The following MEGF9 variants were observed in gnomAD, a reference collection of about 807,000 sequenced individuals.
MEGF9 encodes multiple EGF like domains 9, also known as multiple epidermal growth factor-like domains protein 9.
Under a neutral mutation model 46.8 loss-of-function variants are expected in MEGF9, and 6 were observed. The ratio of observed to expected loss-of-function variants is 0.13; its 90% CI spans 0.07 to 0.25. The LOEUF is 0.25. MEGF9 is among the 10% of genes least tolerant of loss of function. The pLI is 1.00. For synonymous variants in MEGF9, 302 were observed against 330.7 expected, an observed-to-expected ratio of 0.91 and a Z score of 0.94; for missense variants, 683 against 792.4, an observed-to-expected ratio of 0.86 and a Z score of 1.66.
At position 120,601,733 on chromosome 9, in the gene MEGF9, A is replaced by G. The variant is rs1037120508; in HGVS notation, c.*3457T>C. ...GTTTTCAAATGTCATTTTTTTCTCTATAACTGGAGAAATTCCATTAATAAA... is the reference window on the plus strand; with the variant it reads ...GTTTTCAAATGTCATTTTTTTCTCTGTAACTGGAGAAATTCCATTAATAAA... On this transcript the variant is annotated 3_prime_UTR_variant, in exon 6 of 6. Transcript: ENST00000373930. The G allele has an allele frequency of 1.3e-5, 2 of 152,152 alleles. No homozygotes were observed. The highest frequency in any genetic ancestry group is 4.8e-5 in the African/African-American group (2 of 41,438). 9.4% of individuals were successfully genotyped at this position (152,152 alleles called of 1,614,324 possible). A position where few individuals can be genotyped will look rare whatever the true frequency, so the allele number is the denominator to read the frequency against.
intron 1 of MEGF9, among the ~76,000 whole-genome samples, chr9:120,660,299 G>A (rs2043696475): frequency 6.6e-6 from 1 of 152,020 alleles, no homozygotes; most frequent in African/African-American, 2.4e-5. Flanking sequence ...ATATATTTAT[G>A]GGGTACCTGA....
At chr9:120,677,117 G>C (rs540445857) in intron 1 of MEGF9, among the ~76,000 whole-genome samples, 6 of 8,320 alleles carry the variant, frequency 7.2e-4, no homozygotes, top group Non-Finnish European at 4.4e-3. Context: ...TTTTCTTTTC[G>C]TGTGTGTGAG....
chr9:120,667,220 G>A (rs1000235289), intron 1 of MEGF9, among the ~76,000 whole-genome samples: 2 of 152,236 alleles, frequency 1.3e-5, no homozygotes, highest in South Asian at 2.1e-4. Context: ...TAATGATTGA[G>A]GCTTTTTCAA....
At chr9:120,659,064 T>C (rs930224258) in intron 2 of MEGF9, among the ~76,000 whole-genome samples, 1 of 152,226 alleles carries the variant, frequency 6.6e-6, no homozygotes, top group African/African-American at 2.4e-5. Context: ...GCAGGTTTCA[T>C]GCCTGAAAGC....
chr9:120,629,557 G>A (rs540712727), intron 2 of MEGF9, among the ~76,000 whole-genome samples: 1 of 152,252 alleles, frequency 6.6e-6, no homozygotes, highest in South Asian at 2.1e-4. Flanking sequence ...AGACTTGCTT[G>A]AATCTGGGAG....
intron 2 of MEGF9, among the ~76,000 whole-genome samples, chr9:120,652,167 CACACACACACACACAAAA>C (rs928479726): frequency 2.4e-5 from 1 of 42,118 alleles, no homozygotes; most frequent in African/African-American, 8.0e-5. Context: ...CACACACACA[CACACACACACACACAAAA>C]AAAAAAAAAA....
In MEGF9 at chr9:120,607,866, G is replaced by C; in HGVS notation, c.1232C>G (p.Thr411Ser). The C allele has an allele frequency of 6.2e-7, 1 of 1,614,026 alleles. No individual in the cohort carries two copies. The highest frequency in any genetic ancestry group is 8.5e-7 in the Non-Finnish European group (1 of 1,179,892). Reference protein sequence around the residue: ...QCHGHVDPVKTPKICKPESGE... With the variant: ...QCHGHVDPVKSPKICKPESGE... Reference sequence around the variant, plus strand: ...ACTCTCGGGCTTACAAATCTTTGGAGTTTTAACTGGGTCCACATGGCCGTG... The same window carrying C: ...ACTCTCGGGCTTACAAATCTTTGGACTTTTAACTGGGTCCACATGGCCGTG... The change falls in exon 5 of 6, where the codon ACT becomes AGT. Residue 411 changes from threonine (T) to serine (S), a missense_variant. Coordinates refer to ENST00000373930, the MANE Select transcript of MEGF9 (RefSeq NM_001080497.3).
At chr9:120,650,462 T>C (rs1587984167) in intron 2 of MEGF9, among the ~76,000 whole-genome samples, 2 of 152,174 alleles carry the variant, frequency 1.3e-5, no homozygotes, top group East Asian at 1.9e-4. Flanking sequence ...ATTAAACAGG[T>C]TGGAACACCA....
intron 2 of MEGF9, among the ~76,000 whole-genome samples, chr9:120,656,081 C>G (rs1341840273): frequency 6.6e-6 from 1 of 152,170 alleles, no homozygotes; most frequent in Non-Finnish European, 1.5e-5. Context: ...CTAGGAAAAA[C>G]ACGAACTGTG....
In MEGF9 at chr9:120,671,300, T is replaced by A. The variant is rs550086568; in HGVS notation, c.602-11725A>T. ...GTCTCAGCTACTCCAGTCATCCCCA[T>A]CAAGGCCCCAAACATATGGGTGAGG... On this transcript the variant is annotated intron_variant, in intron 1 of 5. Transcript: ENST00000373930. Among the ~76,000 whole-genome samples the A allele has an allele frequency of 4.6e-5, 7 of 152,242 alleles. No homozygotes were observed. In the South Asian group the frequency reaches 1.5e-3, roughly 32 times the overall value.
chr9:120,622,466 A>G, intron 3 of MEGF9, 150 bp downstream of exon 3: 4 of 279,466 alleles, frequency 1.4e-5, no homozygotes, highest in Non-Finnish European at 1.8e-5. Flanking sequence ...TTGTTGTAGC[A>G]GGAGTTTGGC....
intron 1 of MEGF9, chr9:120,691,426 T>C (rs2043847840): frequency 2.0e-6 from 1 of 488,534 alleles, no homozygotes; most frequent in Non-Finnish European, 4.2e-6. Flanking sequence ...CTCACAGGCA[T>C]ATTTTCCTAG....
At chr9:120,663,464 C>T (rs2043711616) in intron 1 of MEGF9, among the ~76,000 whole-genome samples, 4 of 152,252 alleles carry the variant, frequency 2.6e-5, no homozygotes, top group African/African-American at 9.6e-5. Context: ...ATGCAATCCC[C>T]TTAGTAAAAA....
At position 120,655,043 on chromosome 9, in the gene MEGF9, T is replaced by G. The variant is rs142653483; in HGVS notation, c.803+4331A>C. Among the ~76,000 whole-genome samples, 320 of 152,348 alleles carry G rather than the reference T, an allele frequency of 2.1e-3. 1 individual carries two copies. Among genetic ancestry groups the G allele is most frequent in the African/African-American group, 7.2e-3 (301 of 41,590 alleles). On this transcript the variant is annotated intron_variant, in intron 2 of 5. Transcript: ENST00000373930. Reference sequence around the variant, plus strand: ...TTTAAAACATCAGAGATCATAATGTTAAAAAGCTAGAGTAAGCTAAGATTA... The same window carrying G: ...TTTAAAACATCAGAGATCATAATGTGAAAAAGCTAGAGTAAGCTAAGATTA...
intron 1 of MEGF9, among the ~76,000 whole-genome samples, chr9:120,713,498 G>A (rs1300631066): frequency 6.6e-6 from 1 of 152,186 alleles, no homozygotes; most frequent in African/African-American, 2.4e-5. Flanking sequence ...AGGCCAGAAA[G>A]CCCTGTTGGG....
intron 1 of MEGF9, among the ~76,000 whole-genome samples, chr9:120,666,117 T>C (rs2043723990): frequency 6.6e-6 from 1 of 152,190 alleles, no homozygotes; most frequent in Admixed American, 6.6e-5. Context: ...AAAATTTCTG[T>C]GAAGAATATC....
At chr9:120,634,219 T>C (rs1397446425) in intron 2 of MEGF9, among the ~76,000 whole-genome samples, 1 of 152,132 alleles carries the variant, frequency 6.6e-6, no homozygotes, top group Non-Finnish European at 1.5e-5. Context: ...ATTATTGTAT[T>C]GGAGTCTAAC....
Position 120,714,369 on chromosome 9 carries a change from A to C in MEGF9, c.-11T>G. On this transcript the variant is annotated 5_prime_UTR_variant, in exon 1 of 6. Coordinates refer to ENST00000373930, the MANE Select transcript of MEGF9 (RefSeq NM_001080497.3). ...GGCTCCGCCATTCATTCATTCAGCC[A>C]GTCGGTTGGTCAGTCATCTTCTCCT... The C allele has an allele frequency of 7.7e-7, 1 of 1,298,806 alleles. No homozygotes were observed. Among genetic ancestry groups the C allele is most frequent in the East Asian group, 3.5e-5 (1 of 28,616 alleles). 80.5% of individuals were successfully genotyped at this position (1,298,806 alleles called of 1,614,324 possible).
At chr9:120,705,738 T>C (rs1415655456) in intron 1 of MEGF9, among the ~76,000 whole-genome samples, 2 of 152,170 alleles carry the variant, frequency 1.3e-5, no homozygotes, top group Non-Finnish European at 2.9e-5. Context: ...ACATAATCTT[T>C]ATCTTCTTCA....
Sources: gnomAD v4.1 joint callset for allele counts (sites outside exome capture counted in the v4.1 genomes callset) on GRCh38, gnomAD v4.1.1 for gene constraint, MANE v1.5 for transcripts, NCBI Gene and HGNC (gene_info 2026-07-23, HGNC 2026-07-21) for gene names.